MGA: variants seen among roughly 807,000 people sequenced by gnomAD.
MGA encodes MAX gene-associated protein.
A neutral mutation model predicts 261.1 loss-of-function variants in MGA; 40 were observed. That is an observed-to-expected ratio of 0.15 (90% CI 0.12 to 0.20). The LOEUF (loss-of-function observed/expected upper bound fraction) is 0.20, where lower values mean the gene tolerates loss of function less well. MGA is among the 10% of genes least tolerant of loss of function. The pLI is 1.00. For synonymous variants in MGA, 1,302 were observed against 1,290.6 expected, an observed-to-expected ratio of 1.01 and a Z score of -0.19; for missense variants, 3,397 against 3,630.5, an observed-to-expected ratio of 0.94 and a Z score of 1.65.
At chr15:41,681,362 T>C (rs1044321785) in intron 2 of MGA, among the ~76,000 whole-genome samples, 7 of 152,226 alleles carry the variant, frequency 4.6e-5, no homozygotes, top group African/African-American at 1.7e-4. Context: ...ATGGGCCGTT[T>C]AGTTGTTACT....
At chr15:41,707,226 G>T (rs1046144484) in intron 5 of MGA, among the ~76,000 whole-genome samples, 1 of 152,176 alleles carries the variant, frequency 6.6e-6, no homozygotes, top group Non-Finnish European at 1.5e-5. Flanking sequence ...CAGTTTCTAT[G>T]TGTCAGCAGT....
chr15:41,717,290 T>A (rs531127457), intron 9 of MGA, among the ~76,000 whole-genome samples: 1 of 152,166 alleles, frequency 6.6e-6, no homozygotes, highest in Non-Finnish European at 1.5e-5. Context: ...TTGTGGGTAG[T>A]ACCAAGGGAA....
At chr15:41,733,542 A>G (rs1458485478) in intron 11 of MGA, among the ~76,000 whole-genome samples, 2 of 152,210 alleles carry the variant, frequency 1.3e-5, no homozygotes, top group African/African-American at 2.4e-5. Flanking sequence ...CCTCAACATC[A>G]GTGGTGACTC....
chr15:41,621,544 C>G (rs2056281963), intron 1 of MGA: 1 of 152,294 alleles, frequency 6.6e-6, no homozygotes, highest in Non-Finnish European at 1.5e-5. Context: ...ATTCCGGGAC[C>G]CGCGAGCGGA....
chr15:41,710,994 G>A lies in MGA; in HGVS notation c.2729G>A (p.Arg910Gln), dbSNP rs764724458. The change falls in exon 8 of 24, where the codon CGA becomes CAA. Residue 910 changes from arginine (R) to glutamine (Q), a missense_variant. This residue lies in a region of MGA where 519 missense variants were observed against 554.1 expected (regional missense o/e 0.94). Transcript: ENST00000219905. ...AACAGACAGGCAACTTTCAGTGGCC[G>A]AACTAAATCATCTTATAAATCCATT... is the stretch of plus-strand genomic sequence containing the variant. 2.2e-5 allele frequency: 35 copies of A among 1,613,754 alleles called. No homozygotes were observed. The highest frequency in any genetic ancestry group is 4.4e-5 in the South Asian group (4 of 91,078).
Position 41,742,529 on chromosome 15 carries a change from C to T in MGA, c.4586-17C>T. The T allele has an allele frequency of 6.2e-7, 1 of 1,604,564 alleles. No individual in the cohort carries two copies. Among genetic ancestry groups the T allele is most frequent in the East Asian group, 2.2e-5 (1 of 44,724 alleles). On this transcript the variant is annotated splice_polypyrimidine_tract_variant and intron_variant, in intron 14 of 23. Transcript: ENST00000219905. ...ATGAGAACTGAAGATTTTTGACCTG[C>T]AAATTTCTGTTTGCAGCGGCTCGAC... is the stretch of plus-strand genomic sequence containing the variant.
chr15:41,677,452 C>T (rs997901057), intron 2 of MGA, among the ~76,000 whole-genome samples: 5 of 152,100 alleles, frequency 3.3e-5, no homozygotes, highest in South Asian at 2.1e-4. Context: ...TGAATTCTTT[C>T]GGGTATATAC....
intron 2 of MGA, among the ~76,000 whole-genome samples, chr15:41,671,779 T>C (rs2058075237): frequency 6.6e-6 from 1 of 152,146 alleles, no homozygotes. Context: ...TGCTCATGAG[T>C]TCCCCTTGTC....
chr15:41,695,596 T>C (rs890774977), intron 2 of MGA, among the ~76,000 whole-genome samples: 7 of 152,216 alleles, frequency 4.6e-5, no homozygotes, highest in African/African-American at 1.7e-4. Flanking sequence ...TTTGGATGAA[T>C]TATACACAAT....
intron 13 of MGA, among the ~76,000 whole-genome samples, chr15:41,739,004 C>T (rs1043187994): frequency 6.6e-6 from 1 of 152,076 alleles, no homozygotes. Context: ...ACTCCATCTC[C>T]CCCAACCCCC....
chr15:41,636,459 ATTT>A (rs1017999541), intron 1 of MGA, among the ~76,000 whole-genome samples: 3 of 87,430 alleles, frequency 3.4e-5, no homozygotes, highest in African/African-American at 4.6e-5. Context: ...TGCTTGGCTA[ATTT>A]TTTTTTTTTT....
chr15:41,715,503 T>C (rs1567023037), intron 9 of MGA, among the ~76,000 whole-genome samples: 3 of 152,142 alleles, frequency 2.0e-5, no homozygotes, highest in Admixed American at 6.6e-5. Flanking sequence ...CTAGTACTTT[T>C]TTGGACTTAA....
intron 1 of MGA, among the ~76,000 whole-genome samples, chr15:41,630,146 A>G (rs2056556413): frequency 6.6e-6 from 1 of 151,990 alleles, no homozygotes; most frequent in South Asian, 2.1e-4. Context: ...ACCGTGCCCA[A>G]TGTGCTTGGC....
chr15:41,723,209 A>C (rs1045637390), intron 9 of MGA, among the ~76,000 whole-genome samples: 3 of 151,966 alleles, frequency 2.0e-5, no homozygotes, highest in African/African-American at 7.3e-5. Flanking sequence ...GAGTAGGAGA[A>C]TCTCTAGTGT....
chr15:41,767,464 A>C lies in MGA; in HGVS notation c.*184A>C, dbSNP rs1242765882. The C allele has an allele frequency of 1.6e-6, 1 of 643,246 alleles. No individual in the cohort carries two copies. Among genetic ancestry groups the C allele is most frequent in the African/African-American group, 1.8e-5 (1 of 54,678 alleles). 39.8% of individuals were successfully genotyped at this position (643,246 alleles called of 1,614,324 possible). On this transcript the variant is annotated 3_prime_UTR_variant, in exon 24 of 24. Transcript: ENST00000219905. Reference sequence around the variant, plus strand: ...GTATAAGAAGTACTCTGAAATTCTGATCATGTTAAAATGTGTTACCTCACT... The same window carrying C: ...GTATAAGAAGTACTCTGAAATTCTGCTCATGTTAAAATGTGTTACCTCACT...
chr15:41,662,382 A>T (rs1180792452), intron 1 of MGA, among the ~76,000 whole-genome samples: 2 of 152,334 alleles, frequency 1.3e-5, no homozygotes, highest in East Asian at 3.9e-4. Flanking sequence ...TAGCAGTAAC[A>T]AATGATATCT....
chr15:41,717,456 C>T (rs1184113295), intron 9 of MGA, among the ~76,000 whole-genome samples: 2 of 152,046 alleles, frequency 1.3e-5, no homozygotes, highest in Non-Finnish European at 2.9e-5. Flanking sequence ...AAGGTGACTT[C>T]AGTACAGACA....
chr15:41,765,068 T>C lies in MGA; in HGVS notation c.7921+6T>C, dbSNP rs747739967. 2.9e-5 allele frequency: 46 copies of C among 1,613,528 alleles called. No individual in the cohort carries two copies. Among genetic ancestry groups the C allele is most frequent in the Non-Finnish European group, 3.8e-5 (45 of 1,179,586 alleles). On this transcript the variant is annotated splice_donor_region_variant and intron_variant, in intron 23 of 23. Coordinates refer to ENST00000219905, the MANE Select transcript of MGA (RefSeq NM_001164273.2). ...TAGTGCTGTGGCTCTACCAGGTATG[T>C]TGTAAGTGTTGTCCTCTATGGGAAG...
chr15:41,654,294 T>A (rs1054537605), intron 1 of MGA, among the ~76,000 whole-genome samples: 2 of 152,178 alleles, frequency 1.3e-5, no homozygotes, highest in Non-Finnish European at 2.9e-5. Context: ...ATGTAGTGAA[T>A]TTTTCATCTA....
Sources: allele counts gnomAD v4.1 joint callset (sites outside exome capture counted in the v4.1 genomes callset), GRCh38; gene constraint gnomAD v4.1.1; regional missense constraint gnomAD v4.1.1; transcripts MANE v1.5; gene names NCBI Gene and HGNC (gene_info 2026-07-23, HGNC 2026-07-21).